Variants in ANKRD62 observed in about 807,000 individuals in gnomAD.
ANKRD62 encodes the protein ankyrin repeat domain 62.
In ANKRD62, 61 loss-of-function variants were observed where a neutral mutation model predicts 98.8. That is an observed-to-expected ratio of 0.62 (90% CI 0.50 to 0.76). ANKRD62 has a LOEUF of 0.76. Ranked by LOEUF, ANKRD62 falls within the 30% of genes least tolerant of loss-of-function variation. The pLI, the probability that ANKRD62 is intolerant of heterozygous loss-of-function variation, is 0.00. For synonymous variants in ANKRD62, 341 were observed against 367.9 expected, an observed-to-expected ratio of 0.93 and a Z score of 0.84; for missense variants, 933 against 1,082.9, an observed-to-expected ratio of 0.86 and a Z score of 1.94.
chr18:12,094,307 G>T, intron 1 of ANKRD62, 72 bp downstream of exon 1: 2 of 1,209,422 alleles, frequency 1.7e-6, no homozygotes, highest in South Asian at 2.7e-5. Context: ...TTCGGGGTAG[G>T]GGAGATACGG....
intron 6 of ANKRD62, chr18:12,102,739 T>C (rs1323783112): frequency 1.2e-5 from 12 of 1,004,108 alleles, no homozygotes; most frequent in Non-Finnish European, 1.3e-5. Flanking sequence ...GTAACAGTCA[T>C]ATTGGAAGTT....
the ANKRD62 span, among the ~76,000 whole-genome samples, chr18:12,177,390 G>A: frequency 1.3e-5 from 2 of 152,204 alleles, no homozygotes; most frequent in Non-Finnish European, 2.9e-5. Flanking sequence ...CGGCTTTGGG[G>A]GCCATGGAGT....
the ANKRD62 span, among the ~76,000 whole-genome samples, chr18:12,137,488 A>G: frequency 6.6e-6 from 1 of 152,142 alleles, no homozygotes; most frequent in African/African-American, 2.4e-5. Flanking sequence ...ATGTTCATCA[A>G]GGATATTGGT....
chr18:12,115,323 A>G, intron 9 of ANKRD62, 70 bp from the exon 10 acceptor site: 1 of 1,365,598 alleles, frequency 7.3e-7, no homozygotes, highest in Middle Eastern at 1.9e-4. Context: ...GATAATTCCC[A>G]CTGGTGTATA....
chr18:12,118,745 A>G (rs568581580), intron 10 of ANKRD62, among the ~76,000 whole-genome samples: 1 of 151,900 alleles, frequency 6.6e-6, no homozygotes, highest in Non-Finnish European at 1.5e-5. Context: ...GTAATATTCC[A>G]TTGTTTGGCT....
chr18:12,135,491 C>T, the ANKRD62 span, among the ~76,000 whole-genome samples: 4 of 151,190 alleles, frequency 2.6e-5, no homozygotes, highest in Non-Finnish European at 2.9e-5. Flanking sequence ...TGAATAGTGC[C>T]GCAATAAACA....
the ANKRD62 span, among the ~76,000 whole-genome samples, chr18:12,155,551 T>C: frequency 7.9e-5 from 12 of 152,214 alleles, no homozygotes; most frequent in African/African-American, 2.9e-4. Flanking sequence ...GCCACTACTG[T>C]TGAGGCTGTC....
chr18:12,109,977 A>T (rs552751054), intron 8 of ANKRD62, among the ~76,000 whole-genome samples: 97 of 150,452 alleles, frequency 6.4e-4, no homozygotes, highest in African/African-American at 2.2e-3. Context: ...AAAAACAGAC[A>T]GACAGGTAGT....
chr18:12,167,841 T>C, the ANKRD62 span, among the ~76,000 whole-genome samples: 1 of 152,252 alleles, frequency 6.6e-6, no homozygotes, highest in Admixed American at 6.5e-5. Context: ...TGTGAGATGG[T>C]ATCTCATTGT....
intron 4 of ANKRD62, among the ~76,000 whole-genome samples, chr18:12,097,079 G>A (rs1032267760): frequency 9.2e-5 from 14 of 152,076 alleles, no homozygotes; most frequent in Non-Finnish European, 1.0e-4. Flanking sequence ...ATCACCAAGT[G>A]TTTTCCTTTA....
chr18:12,123,648 T>A (rs1909827480), intron 11 of ANKRD62, among the ~76,000 whole-genome samples: 3 of 152,226 alleles, frequency 2.0e-5, no homozygotes, highest in Non-Finnish European at 4.4e-5. Context: ...TGGATTATTG[T>A]CATCTGGAGA....
chr18:12,176,298 A>G, the ANKRD62 span, among the ~76,000 whole-genome samples: 1 of 149,936 alleles, frequency 6.7e-6, no homozygotes, highest in East Asian at 2.0e-4. Flanking sequence ...GAGATCTCTC[A>G]ATGGACTAAA....
intron 10 of ANKRD62, among the ~76,000 whole-genome samples, chr18:12,118,430 G>A (rs1179953447): frequency 2.0e-5 from 3 of 151,980 alleles, no homozygotes; most frequent in Admixed American, 2.0e-4. Context: ...CCAACATGGC[G>A]AAACCCTGTC....
At chr18:12,097,849 C>T (rs1909215037) in intron 5 of ANKRD62, 72 bp downstream of exon 5, 1 of 1,481,932 alleles carries the variant, frequency 6.7e-7, no homozygotes, top group East Asian at 2.5e-5. Flanking sequence ...TCTTATATAT[C>T]AAGTGAGATT....
chr18:12,109,421 G>A, intron 8 of ANKRD62, among the ~76,000 whole-genome samples: 1 of 152,194 alleles, frequency 6.6e-6, no homozygotes, highest in East Asian at 1.9e-4. Flanking sequence ...GATGCAGGGT[G>A]CCATGTCCCG....
rs79680613 is a variant in ANKRD62 at position 12,107,491 on chromosome 18, A to G, written c.1064+24A>G. On this transcript the variant is annotated intron_variant, in intron 8 of 13. Transcript: ENST00000587848. ...AGGTAATCCTGTAGCGATAGTTAACAGCGGATCACTGTTAATTGTACTATA... is the reference window on the plus strand; with the variant it reads ...AGGTAATCCTGTAGCGATAGTTAACGGCGGATCACTGTTAATTGTACTATA... 4,608 of 1,451,670 alleles carry G rather than the reference A, an allele frequency of 3.2e-3. 140 individuals are homozygous for G. In the African/African-American group the frequency reaches 0.06, roughly 19 times the overall value. The allele number at this position is 1,451,670 out of a possible 1,614,324, so 89.9% of individuals were successfully genotyped here. A position where few individuals can be genotyped will look rare whatever the true frequency, so the allele number is the denominator to read the frequency against.
intron 11 of ANKRD62, among the ~76,000 whole-genome samples, chr18:12,123,148 A>T (rs1194461028): frequency 2.6e-5 from 4 of 152,128 alleles, no homozygotes; most frequent in East Asian, 3.9e-4. Flanking sequence ...TCCGGGTTCA[A>T]GCAATTCTTG....
chr18:12,163,343 A>G, the ANKRD62 span, among the ~76,000 whole-genome samples: 2 of 151,982 alleles, frequency 1.3e-5, no homozygotes, highest in South Asian at 4.1e-4. Flanking sequence ...AGTTTTGTAT[A>G]TTGATTTTGC....
chr18:12,099,276 A>G (rs1909248539), intron 5 of ANKRD62, among the ~76,000 whole-genome samples: 1 of 152,240 alleles, frequency 6.6e-6, no homozygotes, highest in African/African-American at 2.4e-5. Flanking sequence ...TAACCTAGTG[A>G]ATAAGGTAGT....
Sources: allele counts gnomAD v4.1 joint callset (sites outside exome capture counted in the v4.1 genomes callset), GRCh38; gene constraint gnomAD v4.1.1; transcripts MANE v1.5; gene names NCBI Gene and HGNC (gene_info 2026-07-23, HGNC 2026-07-21).